The following CALCR variants were observed in gnomAD, a reference collection of about 807,000 sequenced individuals.
CALCR encodes calcitonin receptor.
In CALCR, 47 loss-of-function variants were observed where a neutral mutation model predicts 59.5. The observed-to-expected ratio is 0.79, with a 90% CI of 0.63 to 1.01. CALCR has a LOEUF of 1.01. Among genes scored for constraint, CALCR ranks in the 50% least tolerant of loss-of-function variants. The probability of loss-of-function intolerance (pLI) is 0.00; values close to 1 mark genes in which losing one functional copy is unlikely to be tolerated. For missense variants in CALCR, 566 were observed against 597.1 expected, an observed-to-expected ratio of 0.95 and a Z score of 0.54; for synonymous variants, 213 against 211.3, an observed-to-expected ratio of 1.01 and a Z score of -0.07.
At chr7:93,483,926 G>A (rs748192713) in intron 3 of CALCR, 1 of 474,800 alleles carries the variant, frequency 2.1e-6, no homozygotes, top group Non-Finnish European at 4.6e-6. Flanking sequence ...ACTCTTAATT[G>A]TTGTCCCATG....
chr7:93,550,910 TACAAA>T (rs1236936825), intron 2 of CALCR, among the ~76,000 whole-genome samples: 1 of 152,148 alleles, frequency 6.6e-6, no homozygotes, highest in Non-Finnish European at 1.5e-5. Flanking sequence ...CCAAGAAGTT[TACAAA>T]ACACATCTGT....
At chr7:93,550,597 A>G (rs928295269) in intron 2 of CALCR, among the ~76,000 whole-genome samples, 2 of 96,752 alleles carry the variant, frequency 2.1e-5, no homozygotes, top group East Asian at 6.8e-4. Flanking sequence ...CATTTGGGCT[A>G]AACACACACA....
intron 2 of CALCR, among the ~76,000 whole-genome samples, chr7:93,527,206 G>A (rs911939028): frequency 7.3e-5 from 11 of 151,170 alleles, no homozygotes; most frequent in African/African-American, 2.4e-4. Context: ...AGAATTTCAG[G>A]GAATTGCATA....
At chr7:93,535,201 G>A (rs907120530) in intron 2 of CALCR, among the ~76,000 whole-genome samples, 7 of 151,558 alleles carry the variant, frequency 4.6e-5, no homozygotes, top group East Asian at 1.9e-4. Flanking sequence ...ACGATTTTTC[G>A]TTTTATACTT....
At chr7:93,461,422 A>G (rs761843579) in intron 7 of CALCR, among the ~76,000 whole-genome samples, 1 of 152,136 alleles carries the variant, frequency 6.6e-6, no homozygotes. Context: ...GAGCCATTGC[A>G]TACACACACT....
intron 2 of CALCR, among the ~76,000 whole-genome samples, chr7:93,497,332 T>C (rs1019570502): frequency 1.3e-5 from 2 of 151,678 alleles, no homozygotes; most frequent in African/African-American, 2.4e-5. Context: ...TTAACCACTT[T>C]GTAGCTTGCA....
chr7:93,452,470 T>C (rs1023361326), intron 8 of CALCR, among the ~76,000 whole-genome samples: 1 of 152,022 alleles, frequency 6.6e-6, no homozygotes, highest in African/African-American at 2.4e-5. Flanking sequence ...GCCAGCTGAA[T>C]GAAGTAGAAA....
intron 2 of CALCR, chr7:93,495,775 T>G: frequency 1.2e-6 from 1 of 816,642 alleles, no homozygotes; most frequent in Non-Finnish European, 2.0e-6. Context: ...ACCAGATCAA[T>G]GTGGAGCCTA....
At chr7:93,426,997 A>G (rs1218733882) in intron 13 of CALCR, among the ~76,000 whole-genome samples, 2 of 152,204 alleles carry the variant, frequency 1.3e-5, no homozygotes, top group Non-Finnish European at 1.5e-5. Flanking sequence ...TGAAAAATAT[A>G]TATGTAAACC....
At chr7:93,572,388 A>G (rs1790026508) in intron 2 of CALCR, among the ~76,000 whole-genome samples, 1 of 152,126 alleles carries the variant, frequency 6.6e-6, no homozygotes, top group Non-Finnish European at 1.5e-5. Context: ...AAATACATCA[A>G]ATTGCAGACC....
At chr7:93,503,094 A>C (rs1452415843) in intron 2 of CALCR, among the ~76,000 whole-genome samples, 1 of 152,050 alleles carries the variant, frequency 6.6e-6, no homozygotes, top group African/African-American at 2.4e-5. Flanking sequence ...TCCAAATCTC[A>C]GTTTTTTAAA....
chr7:93,456,410 G>A (rs2283006), intron 8 of CALCR, among the ~76,000 whole-genome samples: 89,809 of 151,326 alleles, frequency 0.59, 28,245 homozygotes, highest in African/African-American at 0.82. Flanking sequence ...AAATATCCAA[G>A]TTTTTTGCCT....
At chr7:93,538,270 T>C (rs1221679969) in intron 2 of CALCR, among the ~76,000 whole-genome samples, 1 of 152,056 alleles carries the variant, frequency 6.6e-6, no homozygotes, top group Non-Finnish European at 1.5e-5. Flanking sequence ...ACATATCTTT[T>C]CGTGTGTCTG....
intron 2 of CALCR, among the ~76,000 whole-genome samples, chr7:93,512,166 T>C (rs572530811): frequency 6.6e-6 from 1 of 152,316 alleles, no homozygotes; most frequent in Non-Finnish European, 1.5e-5. Flanking sequence ...ATCTTCTTAC[T>C]ACATGTCTGG....
intron 2 of CALCR, among the ~76,000 whole-genome samples, chr7:93,560,060 T>C (rs1308601534): frequency 6.6e-6 from 1 of 152,082 alleles, no homozygotes; most frequent in African/African-American, 2.4e-5. Flanking sequence ...AAACAAGAGA[T>C]GGGACCCTAA....
intron 4 of CALCR, among the ~76,000 whole-genome samples, chr7:93,479,096 G>A (rs1800735415): frequency 6.6e-6 from 1 of 151,780 alleles, no homozygotes; most frequent in South Asian, 2.1e-4. Context: ...TACTGTTCCG[G>A]CTCACCAGGT....
chr7:93,451,773 T>G (rs1032264995), intron 8 of CALCR, among the ~76,000 whole-genome samples: 4 of 151,980 alleles, frequency 2.6e-5, no homozygotes, highest in Non-Finnish European at 4.4e-5. Context: ...ATTTTTTAGT[T>G]TTTTAAATTT....
intron 13 of CALCR, among the ~76,000 whole-genome samples, chr7:93,429,305 T>G (rs1799598677): frequency 6.6e-6 from 1 of 152,118 alleles, no homozygotes; most frequent in Admixed American, 6.5e-5. Flanking sequence ...GCATTTAATC[T>G]GAAAAACAAA....
intron 2 of CALCR, among the ~76,000 whole-genome samples, chr7:93,510,875 C>T (rs1563002466): frequency 6.6e-6 from 1 of 150,638 alleles, no homozygotes; most frequent in East Asian, 1.9e-4. Flanking sequence ...TCTACAAAAA[C>T]AAACAAACAA....
Sources: gnomAD v4.1 joint callset for allele counts (sites outside exome capture counted in the v4.1 genomes callset) on GRCh38, gnomAD v4.1.1 for gene constraint, MANE v1.5 for transcripts, NCBI Gene and HGNC (gene_info 2026-07-23, HGNC 2026-07-21) for gene names.